Variants in NAV3 observed in about 807,000 individuals in gnomAD.
NAV3 encodes pore membrane and/or filament interacting like protein 1.
In NAV3, 87 loss-of-function variants were observed where a neutral mutation model predicts 244.7. The observed-to-expected ratio is 0.36, with a 90% CI of 0.30 to 0.42. NAV3 has a LOEUF of 0.42. NAV3 is among the 20% of genes least tolerant of loss of function. The pLI is 1.00. For synonymous variants in NAV3, 1,126 were observed against 1,042.2 expected (o/e 1.08, Z -1.55); for missense variants, 2,663 against 2,893.3 (o/e 0.92, Z 1.83).
intron 3 of NAV3, among the ~76,000 whole-genome samples, chr12:77,949,837 A>G (rs188165023): frequency 5.1e-4 from 77 of 151,950 alleles, no homozygotes; most frequent in Non-Finnish European, 8.7e-4. Context: ...CTGTGCTCCA[A>G]CCCCTGGGAA....
chr12:77,767,583 T>C (rs1287403591), intron 2 of NAV3, among the ~76,000 whole-genome samples: 1 of 152,176 alleles, frequency 6.6e-6, no homozygotes, highest in East Asian at 1.9e-4. Context: ...CTAGCCACTG[T>C]GGTGGGGCGG....
At chr12:78,021,204 T>C (rs191392175) in intron 8 of NAV3, among the ~76,000 whole-genome samples, 1 of 152,246 alleles carries the variant, frequency 6.6e-6, no homozygotes, top group Non-Finnish European at 1.5e-5. Flanking sequence ...AAACAGATGA[T>C]ATGAAAGGTA....
rs548080216 is a variant in NAV3 at position 77,929,564 on chromosome 12, T to C, written c.244-10755T>C. Among the ~76,000 whole-genome samples, 4 of 152,284 alleles carry C rather than the reference T, an allele frequency of 2.6e-5. No homozygotes were observed. The East Asian group carries it at 7.7e-4, about 29-fold the overall frequency. ...TACGGCTTTTCTATATCCCCACACC[T>C]TTGGTTTTCTGTATCCCTACCTCAT... On this transcript the variant is annotated intron_variant, in intron 1 of 39. Transcript: ENST00000397909.
chr12:77,873,744 G>GTGTGTATATA lies in NAV3; in HGVS notation c.243+42041_243+42042insGTGTATATAT, dbSNP rs776225440. On this transcript the variant is annotated intron_variant, in intron 1 of 39. Coordinates refer to ENST00000397909, the MANE Select transcript of NAV3 (RefSeq NM_001024383.2). The stretch of plus-strand genomic sequence containing the variant: ...CTTATCTAAATACATATGTGTGTGT[G>GTGTGTATATA]TATATATATATATATATATATATGT... Among the ~76,000 whole-genome samples the GTGTGTATATA allele has an allele frequency of 9.0e-4, 66 of 73,160 alleles. 1 individual carries two copies. The highest frequency in any genetic ancestry group is 8.5e-3 in the South Asian group (13 of 1,522). The allele number at this position is 73,160 out of a possible 152,430, so 48.0% of individuals were successfully genotyped here. A position where few individuals can be genotyped will look rare whatever the true frequency, so the allele number is the denominator to read the frequency against.
chr12:77,860,143 T>C (rs181500335), intron 1 of NAV3, among the ~76,000 whole-genome samples: 9 of 151,940 alleles, frequency 5.9e-5, no homozygotes, highest in Non-Finnish European at 1.0e-4. Flanking sequence ...AATATATATT[T>C]GTATGTATGT....
chr12:77,812,673 C>T (rs539313265), intron 2 of NAV3, among the ~76,000 whole-genome samples: 2 of 152,082 alleles, frequency 1.3e-5, no homozygotes, highest in Non-Finnish European at 2.9e-5. Context: ...CTAGGGCGCT[C>T]CCGCCTGGCC....
intron 9 of NAV3, among the ~76,000 whole-genome samples, chr12:78,024,428 T>C (rs1877666289): frequency 6.6e-6 from 1 of 152,170 alleles, no homozygotes; most frequent in Non-Finnish European, 1.5e-5. Context: ...TTCTCAAATG[T>C]CCGACATCAC....
intron 18 of NAV3, among the ~76,000 whole-genome samples, chr12:78,132,170 C>A (rs1030699638): frequency 1.3e-5 from 2 of 152,058 alleles, no homozygotes; most frequent in Non-Finnish European, 2.9e-5. Context: ...TTCTGTAGCA[C>A]ACTTGGGAAT....
chr12:77,926,989 A>G (rs1888288315), intron 1 of NAV3, among the ~76,000 whole-genome samples: 1 of 152,174 alleles, frequency 6.6e-6, no homozygotes, highest in Non-Finnish European at 1.5e-5. Flanking sequence ...ATGCATATTT[A>G]TAGCATGTTA....
intron 2 of NAV3, among the ~76,000 whole-genome samples, chr12:77,799,578 C>G (rs938924006): frequency 1.3e-5 from 2 of 152,172 alleles, no homozygotes; most frequent in Admixed American, 1.3e-4. Context: ...TAAAGGAGCC[C>G]TCAATGTGTG....
intron 2 of NAV3, among the ~76,000 whole-genome samples, chr12:77,662,405 A>C (rs1377369441): frequency 6.6e-6 from 1 of 152,028 alleles, no homozygotes; most frequent in Non-Finnish European, 1.5e-5. Context: ...ACATTCTCAG[A>C]TTATTCAAAG....
chr12:78,095,580 A>G (rs1954207211), intron 12 of NAV3, among the ~76,000 whole-genome samples: 1 of 152,166 alleles, frequency 6.6e-6, no homozygotes, highest in African/African-American at 2.4e-5. Context: ...TGCATTGCAA[A>G]TCCAGGCTAG....
intron 2 of NAV3, among the ~76,000 whole-genome samples, chr12:77,803,732 A>G (rs1457768651): frequency 2.0e-5 from 3 of 152,162 alleles, no homozygotes; most frequent in East Asian, 1.9e-4. Flanking sequence ...GAACTAATTT[A>G]CACTCCCACC....
At chr12:77,773,066 C>G (rs1203682766) in intron 2 of NAV3, among the ~76,000 whole-genome samples, 2 of 152,152 alleles carry the variant, frequency 1.3e-5, no homozygotes, top group African/African-American at 4.8e-5. Context: ...GATGGGTGCT[C>G]TCATTGACTA....
At chr12:77,926,910 T>C (rs1273424086) in intron 1 of NAV3, among the ~76,000 whole-genome samples, 1 of 152,216 alleles carries the variant, frequency 6.6e-6, no homozygotes, top group Non-Finnish European at 1.5e-5. Flanking sequence ...GCCTGGAAAC[T>C]CTGAACTGCT....
intron 2 of NAV3, among the ~76,000 whole-genome samples, chr12:77,777,529 C>T (rs1251962006): frequency 6.6e-6 from 1 of 152,188 alleles, no homozygotes; most frequent in Non-Finnish European, 1.5e-5. Flanking sequence ...AAGACTTTAT[C>T]ATGTTACTCA....
chr12:77,964,064 A>G (rs1284452373), intron 3 of NAV3, among the ~76,000 whole-genome samples: 1 of 131,580 alleles, frequency 7.6e-6, no homozygotes, highest in Non-Finnish European at 1.6e-5. Flanking sequence ...TTCTTTCCTT[A>G]TCCTTCTCCT....
intron 12 of NAV3, among the ~76,000 whole-genome samples, chr12:78,060,237 G>A (rs1884129564): frequency 6.6e-6 from 1 of 152,138 alleles, no homozygotes; most frequent in African/African-American, 2.4e-5. Context: ...AGGTTAAGGT[G>A]CAATGTACTC....
chr12:77,905,993 CT>C (rs1252326245), intron 1 of NAV3, among the ~76,000 whole-genome samples: 1 of 152,112 alleles, frequency 6.6e-6, no homozygotes, highest in Non-Finnish European at 1.5e-5. Flanking sequence ...CTGGTCACTT[CT>C]GATTAGACAA....
Sources: gnomAD v4.1 joint callset for allele counts (sites outside exome capture counted in the v4.1 genomes callset) on GRCh38, gnomAD v4.1.1 for gene constraint, MANE v1.5 for transcripts, NCBI Gene and HGNC (gene_info 2026-07-23, HGNC 2026-07-21) for gene names.